The following NF1 variants were observed in gnomAD, a reference collection of about 807,000 sequenced individuals.
The protein encoded by NF1 is neurofibromin 1, also known as neurofibromin.
A neutral mutation model predicts 325.7 loss-of-function variants in NF1; 122 were observed. The observed-to-expected ratio is 0.37, with a 90% CI of 0.32 to 0.44. NF1 has a LOEUF of 0.44. Among genes scored for constraint, NF1 ranks in the 20% least tolerant of loss-of-function variants. The pLI is 1.00. For synonymous variants in NF1, 1,091 were observed against 1,186.0 expected (o/e 0.92, Z 1.65); for missense variants, 2,140 against 3,415.4 (o/e 0.63, Z 9.31).
In NF1 at chr17:31,308,970, A is replaced by T. The variant is rs2068801103; in HGVS notation, c.4836-16850A>T. Among the ~76,000 whole-genome samples, 5 of 152,236 alleles carry T rather than the reference A, an allele frequency of 3.3e-5. No homozygotes were observed. The South Asian group carries it at 1.0e-3, about 31-fold the overall frequency. On this transcript the variant is annotated intron_variant, in intron 36 of 57. Coordinates refer to ENST00000358273, the MANE Select transcript of NF1 (RefSeq NM_001042492.3). ...GCAGAAAGGAGAAAGAAAAATACTT[A>T]TCTAGAGCATATTATGTGTTGTACT...
At chr17:31,287,538 A>G (rs985906525) in intron 36 of NF1, among the ~76,000 whole-genome samples, 4 of 122,046 alleles carry the variant, frequency 3.3e-5, no homozygotes, top group African/African-American at 1.6e-4. Context: ...GATCTCATTC[A>G]TAACTGTGTG....
At position 31,206,348 on chromosome 17, in the gene NF1, C is replaced by T. The variant is rs757560526; in HGVS notation, c.1369C>T (p.His457Tyr). Residue 457 changes from histidine to tyrosine, a missense_variant, in exon 12 of 58, where the codon CAC (histidine) becomes TAC (tyrosine). Physicochemically the swap from His to Tyr is moderately conservative, Grantham distance 83 (BLOSUM62 2). This residue lies in a region of NF1 where 179 missense variants were observed against 381.0 expected (regional missense o/e 0.47). Coordinates refer to ENST00000358273, the MANE Select transcript of NF1 (RefSeq NM_001042492.3). Reference sequence around the variant, plus strand: ...TAAAGCAGTGCAAGGTTGTGGAGCACACCCAGCAATACGAATGGCACCGGT... The same window carrying T: ...TAAAGCAGTGCAAGGTTGTGGAGCATACCCAGCAATACGAATGGCACCGGT... ...LHKAVQGCGA[H>Y]PAIRMAPSLT... 2.5e-6 allele frequency: 4 copies of T among 1,613,764 alleles called. No individual in the cohort carries two copies. Among genetic ancestry groups the T allele is most frequent in the Admixed American group, 3.3e-5 (2 of 60,012 alleles).
chr17:31,102,184 A>G (rs1391526981), intron 1 of NF1, among the ~76,000 whole-genome samples: 2 of 152,230 alleles, frequency 1.3e-5, no homozygotes, highest in African/African-American at 4.8e-5. Context: ...TAGAGCAAAC[A>G]TGTTTTTTGA....
chr17:31,271,510 G>C (rs904048602), intron 36 of NF1, among the ~76,000 whole-genome samples: 17 of 152,128 alleles, frequency 1.1e-4, no homozygotes, highest in African/African-American at 4.1e-4. Context: ...TCAGCACTTT[G>C]GGAAGCCAAG....
intron 1 of NF1, among the ~76,000 whole-genome samples, chr17:31,099,372 T>C (rs1055015819): frequency 6.6e-6 from 1 of 152,116 alleles, no homozygotes; most frequent in Admixed American, 6.5e-5. Context: ...GTATTTAGGG[T>C]CTAAGTTGAA....
intron 1 of NF1, among the ~76,000 whole-genome samples, chr17:31,153,816 G>C (rs1263132111): frequency 7.0e-6 from 1 of 143,554 alleles, no homozygotes; most frequent in Non-Finnish European, 1.5e-5. Flanking sequence ...GTCTCACTCT[G>C]TTGCCCAGGC....
At chr17:31,119,907 AT>A (rs1914284433) in intron 1 of NF1, among the ~76,000 whole-genome samples, 1 of 152,208 alleles carries the variant, frequency 6.6e-6, no homozygotes, top group Non-Finnish European at 1.5e-5. Flanking sequence ...TTTGTCAAAG[AT>A]CAGATGGTTA....
chr17:31,326,082 C>T lies in NF1; in HGVS notation c.5098C>T (p.Leu1700Phe), dbSNP rs775786295. 2.1e-5 allele frequency: 34 copies of T among 1,613,730 alleles called. No homozygotes were observed. In the South Asian group the frequency reaches 3.7e-4, roughly 18 times the overall value. The change falls in exon 37 of 58, where the codon CTC becomes TTC. Residue 1700 changes from leucine to phenylalanine, a missense_variant. Leu to Phe is a conservative substitution (Grantham distance 22). Transcript: ENST00000358273. ...GTATCATGAGCGGCTGCTGACTGGC[C>T]TCAAAGGTAGCAAAAGGCTTGTTTT... ...TKYHERLLTG[L>F]KGSKRLVFID...
intron 1 of NF1, among the ~76,000 whole-genome samples, chr17:31,132,855 T>C (rs1915493517): frequency 6.6e-6 from 1 of 151,810 alleles, no homozygotes; most frequent in South Asian, 2.1e-4. Context: ...TTAGTAGAGA[T>C]GGGATTTCAC....
At chr17:31,335,638 T>C (rs1319966930) in intron 40 of NF1, among the ~76,000 whole-genome samples, 2 of 151,846 alleles carry the variant, frequency 1.3e-5, no homozygotes, top group Non-Finnish European at 2.9e-5. Flanking sequence ...GGAGCCAGTG[T>C]TGCAGCCCTA....
chr17:31,293,208 A>AAAAAAAAAAAAAAAAC (rs2068385302), intron 36 of NF1, among the ~76,000 whole-genome samples: 3 of 138,534 alleles, frequency 2.2e-5, no homozygotes, highest in Non-Finnish European at 4.6e-5. Flanking sequence ...AAAAAAAAAA[A>AAAAAAAAAAAAAAAAC]AAAGAAACCT....
intron 1 of NF1, among the ~76,000 whole-genome samples, chr17:31,099,658 C>G (rs1157625618): frequency 2.7e-5 from 4 of 150,168 alleles, no homozygotes; most frequent in Non-Finnish European, 4.4e-5. Flanking sequence ...CTCCTGGGTT[C>G]AAGCCATTCT....
At chr17:31,237,834 G>C (rs972206033) in intron 29 of NF1, among the ~76,000 whole-genome samples, 8 of 152,070 alleles carry the variant, frequency 5.3e-5, no homozygotes. Flanking sequence ...TATACAAAGT[G>C]CTGTGGTCCA....
At chr17:31,194,873 A>G (rs954159907) in intron 8 of NF1, among the ~76,000 whole-genome samples, 3 of 152,194 alleles carry the variant, frequency 2.0e-5, no homozygotes, top group Non-Finnish European at 4.4e-5. Context: ...TTAATAAAAC[A>G]TTTCCTTCCA....
chr17:31,321,975 C>T (rs1044000985), intron 36 of NF1: 5 of 152,068 alleles, frequency 3.3e-5, no homozygotes, highest in Non-Finnish European at 7.4e-5. Flanking sequence ...GTTTGGAGTC[C>T]ATGGGATACT....
At chr17:31,363,086 C>G (rs1461422153) in intron 57 of NF1, among the ~76,000 whole-genome samples, 1 of 152,170 alleles carries the variant, frequency 6.6e-6, no homozygotes, top group Non-Finnish European at 1.5e-5. Flanking sequence ...TGACTATACA[C>G]AGAAGAGATG....
intron 5 of NF1, among the ~76,000 whole-genome samples, chr17:31,180,470 C>T (rs1424424007): frequency 3.9e-5 from 6 of 152,230 alleles, no homozygotes; most frequent in Admixed American, 2.6e-4. Flanking sequence ...TAATCCATCA[C>T]GTAAACAGAA....
At chr17:31,362,950 A>G (rs566363667) in intron 57 of NF1, among the ~76,000 whole-genome samples, 262 of 152,286 alleles carry the variant, frequency 1.7e-3, no homozygotes, top group Non-Finnish European at 2.7e-3. Flanking sequence ...TTACTCTACA[A>G]CCTTTTACTT....
chr17:31,337,942 C>T (rs764805350), intron 44 of NF1, 62 bp downstream of exon 44: 8 of 1,535,296 alleles, frequency 5.2e-6, no homozygotes, highest in African/African-American at 1.4e-5. Flanking sequence ...ACAGCTATTA[C>T]TGTATGATCA....
Sources: allele counts gnomAD v4.1 joint callset (sites outside exome capture counted in the v4.1 genomes callset), GRCh38; gene constraint gnomAD v4.1.1; regional missense constraint gnomAD v4.1.1; transcripts MANE v1.5; gene names NCBI Gene and HGNC (gene_info 2026-07-23, HGNC 2026-07-21).